The following MYO3A variants were observed in gnomAD, a reference collection of about 807,000 sequenced individuals.
The protein encoded by MYO3A is myosin-IIIa.
Under a neutral mutation model 192.7 loss-of-function variants are expected in MYO3A, and 180 were observed. The ratio of observed to expected loss-of-function variants is 0.93; its 90% CI spans 0.83 to 1.06. The LOEUF (loss-of-function observed/expected upper bound fraction) is 1.06. MYO3A is among the 50% of genes least tolerant of loss of function. The probability of loss-of-function intolerance (pLI) is 0.00; values close to 1 mark genes in which losing one functional copy is unlikely to be tolerated. For synonymous variants in MYO3A, 628 were observed against 645.3 expected (o/e 0.97, Z 0.41); for missense variants, 1,896 against 1,905.0 (o/e 1.00, Z 0.09).
intron 10 of MYO3A, among the ~76,000 whole-genome samples, chr10:26,048,799 A>G (rs187908436): frequency 5.9e-5 from 9 of 152,284 alleles, no homozygotes; most frequent in Non-Finnish European, 8.8e-5. Flanking sequence ...CAGGGGAGAA[A>G]TCCATGTTGG....
rs1417715483 is a variant in MYO3A, at chr10:25,997,383, T to C, written c.508+125T>C. The C allele has an allele frequency of 3.0e-5, 23 of 773,056 alleles. 1 individual carries two copies. In the Admixed American group the frequency reaches 3.8e-4, roughly 13 times the overall value. 47.9% of individuals were successfully genotyped at this position (773,056 alleles called of 1,614,324 possible). A position where few individuals can be genotyped will look rare whatever the true frequency, so the allele number is the denominator to read the frequency against. ...TAGAGGAAAAATCAGTAGTATCTTATTGAGGTAAGAAGTGCAGAGATAATT... is the reference window on the plus strand; with the variant it reads ...TAGAGGAAAAATCAGTAGTATCTTACTGAGGTAAGAAGTGCAGAGATAATT... On this transcript the variant is annotated intron_variant, in intron 6 of 34. Coordinates refer to ENST00000642920, the MANE Select transcript of MYO3A (RefSeq NM_017433.5).
Position 26,138,586 on chromosome 10 carries a change from A to G in MYO3A, c.2263-4862A>G, listed in dbSNP as rs114442106. ...AAAAATTTCCAAGCTTGGGGCTTAC[A>G]TTTTTCTTCAAAATGACTCATATTA... is the stretch of plus-strand genomic sequence containing the variant. On this transcript the variant is annotated intron_variant, in intron 20 of 34. Coordinates refer to ENST00000642920, the MANE Select transcript of MYO3A (RefSeq NM_017433.5). Among the ~76,000 whole-genome samples the G allele has an allele frequency of 8.3e-3, 1,260 of 152,230 alleles. 16 individuals are homozygous for G. Among genetic ancestry groups the G allele is most frequent in the African/African-American group, 0.027 (1,141 of 41,520 alleles).
intron 31 of MYO3A, among the ~76,000 whole-genome samples, chr10:26,184,156 G>A (rs1178112901): frequency 6.6e-6 from 1 of 152,234 alleles, no homozygotes; most frequent in East Asian, 1.9e-4. Flanking sequence ...CATAAGCTCA[G>A]AACTGTGTGC....
In MYO3A at chr10:26,125,494, C is replaced by G; in HGVS notation, c.2000C>G (p.Thr667Ser). The change falls in exon 19 of 35, where the codon ACT becomes AGT. Residue 667 changes from threonine (T) to serine (S), a missense_variant. Thr to Ser is a moderately conservative substitution (Grantham distance 58, BLOSUM62 1). Transcript: ENST00000642920. ...GGAGAAACAATTATACGACCCAATA[C>G]TGTAGAAAAAGCTACCGATGTCAGG... Reference protein sequence around the residue: ...TRGETIIRPNTVEKATDVRDA... With the variant: ...TRGETIIRPNSVEKATDVRDA... The G allele has an allele frequency of 6.2e-7, 1 of 1,614,078 alleles. No homozygotes were observed. Among genetic ancestry groups the G allele is most frequent in the Non-Finnish European group, 8.5e-7 (1 of 1,179,940 alleles).
At chr10:26,079,012 A>G (rs1233709919) in intron 14 of MYO3A, among the ~76,000 whole-genome samples, 1 of 152,132 alleles carries the variant, frequency 6.6e-6, no homozygotes, top group Admixed American at 6.6e-5. Flanking sequence ...TGTTCTGTAT[A>G]TATCTGTTAA....
intron 20 of MYO3A, among the ~76,000 whole-genome samples, chr10:26,132,563 G>C (rs1839603175): frequency 6.6e-6 from 1 of 152,178 alleles, no homozygotes. Flanking sequence ...TATTGATCTA[G>C]AATCCTGAAA....
chr10:26,014,870 T>A (rs1841896772), intron 6 of MYO3A, among the ~76,000 whole-genome samples: 1 of 152,176 alleles, frequency 6.6e-6, no homozygotes, highest in Non-Finnish European at 1.5e-5. Context: ...CAAATTGAGT[T>A]CCCAGAAGTT....
intron 23 of MYO3A, among the ~76,000 whole-genome samples, chr10:26,147,936 C>T (rs896144935): frequency 1.3e-5 from 2 of 152,064 alleles, no homozygotes; most frequent in Non-Finnish European, 2.9e-5. Flanking sequence ...TAAAAATGGA[C>T]GTGTCTTTGT....
intron 26 of MYO3A, among the ~76,000 whole-genome samples, chr10:26,164,875 C>T (rs1044461289): frequency 3.3e-5 from 5 of 152,168 alleles, no homozygotes; most frequent in Admixed American, 1.3e-4. Flanking sequence ...AGTTGATGGA[C>T]AGGCTGTGAA....
intron 6 of MYO3A, among the ~76,000 whole-genome samples, chr10:26,009,416 A>G (rs1283613170): frequency 6.6e-6 from 1 of 152,158 alleles, no homozygotes; most frequent in Non-Finnish European, 1.5e-5. Flanking sequence ...AAAAGGCCAA[A>G]TACAAAAAGC....
At chr10:26,001,842 T>G (rs1840848047) in intron 6 of MYO3A, among the ~76,000 whole-genome samples, 1 of 152,042 alleles carries the variant, frequency 6.6e-6, no homozygotes, top group South Asian at 2.1e-4. Flanking sequence ...AAAAAATTAG[T>G]CAAGCTTGGT....
intron 2 of MYO3A, among the ~76,000 whole-genome samples, chr10:25,947,393 T>C (rs548444552): frequency 2.2e-4 from 31 of 143,732 alleles, no homozygotes; most frequent in East Asian, 5.9e-4. Context: ...CTTTTTCTTT[T>C]TTTTTTTTTT....
chr10:26,036,346 G>A (rs1843038464), intron 10 of MYO3A, among the ~76,000 whole-genome samples: 1 of 152,106 alleles, frequency 6.6e-6, no homozygotes, highest in Non-Finnish European at 1.5e-5. Flanking sequence ...GATAATTTAG[G>A]AACTAGGTTT....
At chr10:26,097,700 T>C (rs1463728572) in intron 17 of MYO3A, among the ~76,000 whole-genome samples, 1 of 152,210 alleles carries the variant, frequency 6.6e-6, no homozygotes, top group Non-Finnish European at 1.5e-5. Flanking sequence ...TCCTTGTCCC[T>C]ACAAAGTACA....
chr10:26,049,969 C>T (rs2131280864), intron 10 of MYO3A, among the ~76,000 whole-genome samples: 1 of 152,132 alleles, frequency 6.6e-6, no homozygotes, highest in African/African-American at 2.4e-5. Context: ...CCACCGCACG[C>T]AGCTGAAATT....
intron 27 of MYO3A, among the ~76,000 whole-genome samples, chr10:26,168,427 A>G (rs914048180): frequency 1.3e-5 from 2 of 152,232 alleles, no homozygotes; most frequent in African/African-American, 4.8e-5. Context: ...AAACTTTGCT[A>G]AAAGAGCTCA....
intron 25 of MYO3A, among the ~76,000 whole-genome samples, chr10:26,157,060 A>T (rs1841180090): frequency 6.6e-6 from 1 of 152,240 alleles, no homozygotes; most frequent in Non-Finnish European, 1.5e-5. Flanking sequence ...TTAATGGTTT[A>T]TAAGCAAACT....
At chr10:26,043,967 G>A (rs546058571) in intron 10 of MYO3A, among the ~76,000 whole-genome samples, 16 of 152,298 alleles carry the variant, frequency 1.1e-4, no homozygotes, top group Non-Finnish European at 2.2e-4. Context: ...CAAGGCCCAT[G>A]GTGTACTATC....
rs764307147 is a variant in MYO3A at position 26,070,345 on chromosome 10, G to T, written c.1303G>T (p.Ala435Ser). ...CATTGTTATTTCTGGAGAAAGTGGTGCTGGAAAGACTGAAAATGCTCATCT... is the reference window on the plus strand; with the variant it reads ...CATTGTTATTTCTGGAGAAAGTGGTTCTGGAAAGACTGAAAATGCTCATCT... ...QCIVISGESGAGKTENAHLLV... is the reference protein window; with the variant it reads ...QCIVISGESGSGKTENAHLLV... Residue 435 changes from alanine (A) to serine (S), a missense_variant, in exon 14 of 35, where the codon GCT (alanine) becomes TCT (serine). Coordinates refer to ENST00000642920, the MANE Select transcript of MYO3A (RefSeq NM_017433.5). 6.2e-7 allele frequency: 1 copy of T among 1,613,292 alleles called. No individual in the cohort carries two copies. Among genetic ancestry groups the T allele is most frequent in the Non-Finnish European group, 8.5e-7 (1 of 1,179,490 alleles).
Sources: gnomAD v4.1 joint callset for allele counts (sites outside exome capture counted in the v4.1 genomes callset) on GRCh38, gnomAD v4.1.1 for gene constraint, MANE v1.5 for transcripts, NCBI Gene and HGNC (gene_info 2026-07-23, HGNC 2026-07-21) for gene names.